Variants in SDCCAG8 observed in about 807,000 individuals in gnomAD.
SDCCAG8 encodes serologically defined colon cancer antigen 8.
In SDCCAG8, 74 loss-of-function variants were observed where a neutral mutation model predicts 101.8. The observed-to-expected ratio is 0.73, with a 90% CI of 0.60 to 0.88. The LOEUF is 0.88. Among genes scored for constraint, SDCCAG8 ranks in the 40% least tolerant of loss-of-function variants. The pLI, the probability that SDCCAG8 is intolerant of heterozygous loss-of-function variation, is 0.00. For missense variants in SDCCAG8, 787 were observed against 822.6 expected (o/e 0.96, Z 0.53); for synonymous variants, 281 against 292.9 (o/e 0.96, Z 0.41).
intron 8 of SDCCAG8, among the ~76,000 whole-genome samples, chr1:243,310,883 T>TA (rs2072655124): frequency 6.6e-6 from 1 of 152,032 alleles, no homozygotes. Context: ...GGAAATACAA[T>TA]AAAAAAATTA....
At chr1:243,293,036 T>A in intron 5 of SDCCAG8, 55 bp from the exon 6 acceptor site, 2 of 1,598,964 alleles carry the variant, frequency 1.3e-6, no homozygotes, top group African/African-American at 2.7e-5. Flanking sequence ...TTGTAAAATA[T>A]GCATGTTTAT....
intron 1 of SDCCAG8, among the ~76,000 whole-genome samples, chr1:243,265,969 C>T (rs2067554244): frequency 6.6e-6 from 1 of 152,038 alleles, no homozygotes; most frequent in African/African-American, 2.4e-5. Flanking sequence ...ATAATTATCC[C>T]TTGCCTTAGA....
At chr1:243,264,035 C>T (rs973441485) in intron 1 of SDCCAG8, among the ~76,000 whole-genome samples, 4 of 152,170 alleles carry the variant, frequency 2.6e-5, no homozygotes, top group Non-Finnish European at 4.4e-5. Flanking sequence ...TGCAGTGCAT[C>T]TCATATCTCG....
intron 13 of SDCCAG8, among the ~76,000 whole-genome samples, chr1:243,387,281 T>C (rs1199807388): frequency 6.6e-6 from 1 of 152,216 alleles, no homozygotes; most frequent in East Asian, 1.9e-4. Context: ...TCCTGCATTT[T>C]TTTTTTCTTG....
intron 4 of SDCCAG8, 118 bp downstream of exon 4, chr1:243,274,774 A>T: frequency 1.5e-6 from 1 of 645,792 alleles, no homozygotes; most frequent in Non-Finnish European, 2.8e-6. Flanking sequence ...GACAATTGCT[A>T]TTCTTACGTG....
At chr1:243,446,042 TA>T (rs762132295) in intron 16 of SDCCAG8, among the ~76,000 whole-genome samples, 1,566 of 152,214 alleles carry the variant, frequency 0.01, 15 homozygotes, top group Non-Finnish European at 0.013. Context: ...TGCTGGTGAG[TA>T]GCAGTCATTG....
At chr1:243,465,620 T>C (rs897566969) in intron 16 of SDCCAG8, among the ~76,000 whole-genome samples, 2 of 152,206 alleles carry the variant, frequency 1.3e-5, no homozygotes, top group African/African-American at 4.8e-5. Context: ...CGGCTTAACC[T>C]TTCAGATTTT....
At chr1:243,332,078 G>T (rs998040380) in intron 10 of SDCCAG8, among the ~76,000 whole-genome samples, 2 of 152,178 alleles carry the variant, frequency 1.3e-5, no homozygotes, top group Non-Finnish European at 2.9e-5. Context: ...GTGAAGAGGG[G>T]AAGAGGGTTT....
At chr1:243,420,176 C>T (rs1042100510) in intron 15 of SDCCAG8, among the ~76,000 whole-genome samples, 2 of 152,206 alleles carry the variant, frequency 1.3e-5, no homozygotes, top group African/African-American at 4.8e-5. Context: ...GAATCTCACT[C>T]TCCCACTTGG....
At chr1:243,449,019 A>G (rs2083151161) in intron 16 of SDCCAG8, among the ~76,000 whole-genome samples, 1 of 152,218 alleles carries the variant, frequency 6.6e-6, no homozygotes, top group African/African-American at 2.4e-5. Flanking sequence ...CCTACTCACT[A>G]TATGTGTGTC....
chr1:243,368,141 G>A lies in SDCCAG8; in HGVS notation c.1474-10580G>A, dbSNP rs570922081. Among the ~76,000 whole-genome samples, 107 of 151,958 alleles carry A rather than the reference G, an allele frequency of 7.0e-4. 1 individual carries two copies. In the Middle Eastern group the frequency reaches 0.031, roughly 43 times the overall value. ...TGAGGCATGAGAATCTCTTGAGCCGGGGAGGTTAAGGCTGAAGTGAACTGT... is the reference window on the plus strand; with the variant it reads ...TGAGGCATGAGAATCTCTTGAGCCGAGGAGGTTAAGGCTGAAGTGAACTGT... On this transcript the variant is annotated intron_variant, in intron 12 of 17. Coordinates refer to ENST00000366541, the MANE Select transcript of SDCCAG8 (RefSeq NM_006642.5).
At chr1:243,285,928 T>C (rs1247508262) in intron 4 of SDCCAG8, among the ~76,000 whole-genome samples, 1 of 152,224 alleles carries the variant, frequency 6.6e-6, no homozygotes, top group Non-Finnish European at 1.5e-5. Flanking sequence ...TCATGAGTAA[T>C]AATATATCTT....
intron 16 of SDCCAG8, among the ~76,000 whole-genome samples, chr1:243,441,063 G>GA (rs2082503451): frequency 6.6e-6 from 1 of 152,102 alleles, no homozygotes; most frequent in East Asian, 1.9e-4. Context: ...CTTATCTATG[G>GA]AAAATAGTCA....
At chr1:243,441,961 C>T (rs1405346678) in intron 16 of SDCCAG8, among the ~76,000 whole-genome samples, 1 of 152,140 alleles carries the variant, frequency 6.6e-6, no homozygotes, top group Non-Finnish European at 1.5e-5. Flanking sequence ...GCTGTTATAA[C>T]ATCTATATGT....
chr1:243,312,542 A>G (rs2072832356), intron 8 of SDCCAG8, among the ~76,000 whole-genome samples: 1 of 152,134 alleles, frequency 6.6e-6, no homozygotes, highest in Non-Finnish European at 1.5e-5. Flanking sequence ...CCCCATCTCT[A>G]CTAAAAATAC....
chr1:243,298,137 C>T (rs558592923), intron 6 of SDCCAG8, among the ~76,000 whole-genome samples: 252 of 151,512 alleles, frequency 1.7e-3, no homozygotes, highest in Non-Finnish European at 2.6e-3. Flanking sequence ...CAACCTCCAC[C>T]TCCCTGGTTC....
At chr1:243,333,185 G>T (rs760271826) in intron 10 of SDCCAG8, among the ~76,000 whole-genome samples, 1 of 152,122 alleles carries the variant, frequency 6.6e-6, no homozygotes, top group Non-Finnish European at 1.5e-5. Flanking sequence ...CATGGACCTC[G>T]TCTCCTTTCA....
chr1:243,357,456 G>A (rs2076453412), intron 12 of SDCCAG8, among the ~76,000 whole-genome samples: 1 of 152,148 alleles, frequency 6.6e-6, no homozygotes, highest in Admixed American at 6.5e-5. Flanking sequence ...ATAAAGGATG[G>A]AAGGAAAGGC....
At chr1:243,277,873 G>T (rs2068708563) in intron 4 of SDCCAG8, among the ~76,000 whole-genome samples, 1 of 152,030 alleles carries the variant, frequency 6.6e-6, no homozygotes, top group Non-Finnish European at 1.5e-5. Flanking sequence ...CAATTCTTTG[G>T]CCACTATCAC....
Sources: gnomAD v4.1 joint callset for allele counts (sites outside exome capture counted in the v4.1 genomes callset) on GRCh38, gnomAD v4.1.1 for gene constraint, MANE v1.5 for transcripts, NCBI Gene and HGNC (gene_info 2026-07-23, HGNC 2026-07-21) for gene names.